The following PACRGL variants were observed in gnomAD, a reference collection of about 807,000 sequenced individuals.
PACRGL encodes the protein parkin coregulated like, also known as PACRG-like protein.
A neutral mutation model predicts 34.5 loss-of-function variants in PACRGL; 38 were observed. The ratio of observed to expected loss-of-function variants is 1.10; its 90% CI spans 0.85 to 1.44. The LOEUF (loss-of-function observed/expected upper bound fraction) is 1.44. PACRGL is among the 40% of genes most tolerant of loss of function. PACRGL has a pLI of 0.00. For missense variants in PACRGL, 305 were observed against 281.4 expected (o/e 1.08, Z -0.60); for synonymous variants, 128 against 100.1 (o/e 1.28, Z -1.66).
At chr4:20,710,843 A>C (rs1255478246) in intron 5 of PACRGL, among the ~76,000 whole-genome samples, 1 of 152,128 alleles carries the variant, frequency 6.6e-6, no homozygotes, top group African/African-American at 2.4e-5. Context: ...GAGTATTACA[A>C]GCAGTGTATT....
At chr4:20,720,543 T>C (rs374207585) in intron 7 of PACRGL, among the ~76,000 whole-genome samples, 150 of 152,158 alleles carry the variant, frequency 9.9e-4, no homozygotes, top group African/African-American at 3.2e-3. Flanking sequence ...AAAATCAGCA[T>C]TTGCTTGTCT....
chr4:20,729,257 T>TGCATATGTCTGTAAACATCC lies in PACRGL; in HGVS notation c.*1917_*1936dup, dbSNP rs1281198558. On this transcript the variant is annotated 3_prime_UTR_variant, in exon 9 of 9. Coordinates refer to ENST00000503585, the MANE Select transcript of PACRGL (RefSeq NM_001258345.3). ...CTGGAGGATAGATATCCTGACCCTT[T>TGCATATGTCTGTAAACATCC]GCATATGTCTGTAAACATCCTTGTT... The TGCATATGTCTGTAAACATCC allele has an allele frequency of 3.3e-5, 5 of 152,100 alleles. No homozygotes were observed. The highest frequency in any genetic ancestry group is 7.4e-5 in the Non-Finnish European group (5 of 67,948). The allele number at this position is 152,100 out of a possible 1,614,324, so 9.4% of individuals were successfully genotyped here.
chr4:20,758,222 G>A, the PACRGL span, among the ~76,000 whole-genome samples: 9 of 152,194 alleles, frequency 5.9e-5, no homozygotes, highest in East Asian at 1.9e-4. Context: ...TTATCATTAC[G>A]CTATCCTTGT....
In PACRGL at chr4:20,731,729, T is replaced by C. The variant is rs565519221; in HGVS notation, c.*4388T>C. On this transcript the variant is annotated 3_prime_UTR_variant, in exon 9 of 9. Coordinates refer to ENST00000503585, the MANE Select transcript of PACRGL (RefSeq NM_001258345.3). ...AATCTCATGTATGTTTTATCCTCCA[T>C]GAATACTCTCTAAGGAATTTGGGAA... 9 of 985,406 alleles carry C rather than the reference T, an allele frequency of 9.1e-6. No individual in the cohort carries two copies. In the African/African-American group the frequency reaches 1.6e-4, roughly 17 times the overall value. 61.0% of individuals were successfully genotyped at this position (985,406 alleles called of 1,614,324 possible).
At chr4:20,717,207 G>A (rs1205420115) in intron 7 of PACRGL, among the ~76,000 whole-genome samples, 3 of 151,856 alleles carry the variant, frequency 2.0e-5, no homozygotes, top group Admixed American at 1.3e-4. Context: ...AAATTTGTTT[G>A]AGTTCTTTGT....
chr4:20,713,375 T>G, intron 6 of PACRGL, 57 bp from the exon 7 acceptor site: 2 of 1,354,308 alleles, frequency 1.5e-6, no homozygotes, highest in South Asian at 1.2e-5. Flanking sequence ...ATCTTTTCTT[T>G]CCTTTTCTCC....
intron 7 of PACRGL, among the ~76,000 whole-genome samples, chr4:20,716,991 A>G (rs917869572): frequency 1.3e-5 from 2 of 152,164 alleles, no homozygotes; most frequent in African/African-American, 4.8e-5. Flanking sequence ...CCTCTCCAGC[A>G]CCTGTTGTTT....
At chr4:20,734,529 C>T, downstream of PACRGL, 1 of 585,656 alleles carries the variant, frequency 1.7e-6, no homozygotes, top group South Asian at 3.6e-5. Context: ...TTGGAATTTC[C>T]TCAAAAAAAC....
At position 20,748,214 on chromosome 4, in the gene PACRGL, A is replaced by G. The variant is rs534221925; in HGVS notation, c.*57-4351A>G. On this transcript the variant is annotated intron_variant, in intron 8 of 8. Coordinates refer to the PACRGL transcript ENST00000507634. ...CTTCTGGCCTCTATCTCCTTCCCCA[A>G]CCTTCGCTCTTGGCTCTCCAATTGT... Among the ~76,000 whole-genome samples, 15 of 151,830 alleles carry G rather than the reference A, an allele frequency of 9.9e-5. No individual in the cohort carries two copies. In the South Asian group the frequency reaches 2.5e-3, roughly 25 times the overall value.
downstream of PACRGL, among the ~76,000 whole-genome samples, chr4:20,754,479 G>C (rs1324931506): frequency 6.6e-6 from 1 of 152,150 alleles, no homozygotes; most frequent in Non-Finnish European, 1.5e-5. Context: ...GAATTCGCCT[G>C]CCATCAGAGA....
intron 5 of PACRGL, 156 bp from the exon 6 acceptor site, chr4:20,712,632 A>T: frequency 2.8e-6 from 2 of 703,782 alleles, no homozygotes; most frequent in Non-Finnish European, 4.1e-6. Context: ...ACAGTTTCTC[A>T]ATGTAATTGA....
chr4:20,735,706 T>C (rs1377382055), downstream of PACRGL, among the ~76,000 whole-genome samples: 1 of 151,906 alleles, frequency 6.6e-6, no homozygotes, highest in Non-Finnish European at 1.5e-5. Context: ...CTGACTAATT[T>C]TTGTATTTTT....
chr4:20,745,876 G>C (rs1272099994), intron 8 of PACRGL, among the ~76,000 whole-genome samples: 2 of 152,086 alleles, frequency 1.3e-5, no homozygotes, highest in African/African-American at 4.8e-5. Context: ...GCCTTACTGG[G>C]TAATGAGATG....
At position 20,732,338 on chromosome 4, in the gene PACRGL, T is replaced by C. The variant is rs1748516832; in HGVS notation, c.*4997T>C. 6.6e-6 allele frequency among the ~76,000 whole-genome samples: 1 copy of C among 152,190 alleles called. No homozygotes were observed. Among genetic ancestry groups the C allele is most frequent in the Non-Finnish European group, 1.5e-5 (1 of 68,030 alleles). On this transcript the variant is annotated 3_prime_UTR_variant, in exon 9 of 9. Coordinates refer to ENST00000503585, the MANE Select transcript of PACRGL (RefSeq NM_001258345.3). ...CCCACCTTCTAGATGTGACAGAGCT[T>C]GCGCAATTTGCTGAAACTTTCAGAG...
At chr4:20,759,294 C>T in the PACRGL span, among the ~76,000 whole-genome samples, 82 of 152,094 alleles carry the variant, frequency 5.4e-4, no homozygotes, top group African/African-American at 1.9e-3. Flanking sequence ...ACATAATCTT[C>T]GATTCAATGG....
rs1748180201 is a variant in PACRGL, at chr4:20,731,457, C to G, written c.*4116C>G. ...TAACACTGGTTTCTTTGATAACAGG[C>G]TACTACCTGGAGTTCTCTTCAGAGA... is the stretch of plus-strand genomic sequence containing the variant. On this transcript the variant is annotated 3_prime_UTR_variant, in exon 9 of 9. Transcript: ENST00000503585. 1.0e-6 allele frequency: 1 copy of G among 985,182 alleles called. No homozygotes were observed. The highest frequency in any genetic ancestry group is 1.7e-5 in the African/African-American group (1 of 57,212). The allele number at this position is 985,182 out of a possible 1,614,324, so 61.0% of individuals were successfully genotyped here.
intron 8 of PACRGL, among the ~76,000 whole-genome samples, chr4:20,752,308 C>A (rs1407657767): frequency 6.6e-6 from 1 of 152,088 alleles, no homozygotes; most frequent in South Asian, 2.1e-4. Context: ...ATCAGCCTGC[C>A]TCAGCCTCCC....
At chr4:20,707,350 C>G (rs925462611) in intron 3 of PACRGL, among the ~76,000 whole-genome samples, 5 of 152,194 alleles carry the variant, frequency 3.3e-5, no homozygotes, top group African/African-American at 9.6e-5. Context: ...CTTCAATTCT[C>G]TCCCTCCTGC....
intron 8 of PACRGL, among the ~76,000 whole-genome samples, chr4:20,739,935 T>A (rs541756772): frequency 3.9e-5 from 6 of 152,242 alleles, no homozygotes; most frequent in African/African-American, 1.4e-4. Context: ...GCACAAGAAC[T>A]ATCTGATGCA....
Sources: gnomAD v4.1 joint callset for allele counts (sites outside exome capture counted in the v4.1 genomes callset) on GRCh38, gnomAD v4.1.1 for gene constraint, MANE v1.5 for transcripts, NCBI Gene and HGNC (gene_info 2026-07-23, HGNC 2026-07-21) for gene names.